CNTN4: variants seen among roughly 807,000 people sequenced by gnomAD.
The protein encoded by CNTN4 is contactin-4.
In CNTN4, 77 loss-of-function variants were observed where a neutral mutation model predicts 122.5. That is an observed-to-expected ratio of 0.63 (90% CI 0.52 to 0.76). The LOEUF (loss-of-function observed/expected upper bound fraction) is 0.76. Among genes scored for constraint, CNTN4 ranks in the 30% least tolerant of loss-of-function variants. The probability of loss-of-function intolerance (pLI) is 0.00; values close to 1 mark genes in which losing one functional copy is unlikely to be tolerated. For missense variants in CNTN4, 1,256 were observed against 1,259.1 expected, an observed-to-expected ratio of 1.00 and a Z score of 0.04; for synonymous variants, 512 against 447.0, an observed-to-expected ratio of 1.15 and a Z score of -1.83.
intron 3 of CNTN4, among the ~76,000 whole-genome samples, chr3:2,427,581 A>G (rs538820819): frequency 1.3e-5 from 2 of 152,302 alleles, no homozygotes; most frequent in East Asian, 1.9e-4. Flanking sequence ...GTAGATGTCT[A>G]TTAGGTCCGC....
chr3:2,457,029 A>G (rs2049031122), intron 3 of CNTN4, among the ~76,000 whole-genome samples: 1 of 152,050 alleles, frequency 6.6e-6, no homozygotes. Flanking sequence ...AGGTTAAAGT[A>G]CCTCATATTG....
At chr3:2,812,254 A>G (rs977700437) in intron 6 of CNTN4, among the ~76,000 whole-genome samples, 1 of 152,196 alleles carries the variant, frequency 6.6e-6, no homozygotes, top group African/African-American at 2.4e-5. Flanking sequence ...AAACCTGCAC[A>G]TGTACCCCTA....
intron 13 of CNTN4, among the ~76,000 whole-genome samples, chr3:2,949,319 T>C (rs560357660): frequency 1.6e-4 from 24 of 152,326 alleles, no homozygotes; most frequent in South Asian, 6.2e-4. Context: ...GTTAGCTGAA[T>C]TCCTACTGGA....
intron 3 of CNTN4, among the ~76,000 whole-genome samples, chr3:2,377,183 C>T (rs538066668): frequency 6.6e-6 from 1 of 150,820 alleles, no homozygotes; most frequent in African/African-American, 2.4e-5. Context: ...AAGAAAATGA[C>T]AGAGCTCTTT....
At chr3:2,857,782 A>G (rs2093631931) in intron 7 of CNTN4, among the ~76,000 whole-genome samples, 1 of 152,096 alleles carries the variant, frequency 6.6e-6, no homozygotes, top group South Asian at 2.1e-4. Context: ...ATGTGGTCTT[A>G]TTATGTTGCC....
chr3:2,955,815 T>C (rs557058243), intron 13 of CNTN4, among the ~76,000 whole-genome samples: 1 of 152,304 alleles, frequency 6.6e-6, no homozygotes, highest in African/African-American at 2.4e-5. Flanking sequence ...GTGACAGATA[T>C]TGTGAAGAAA....
At chr3:2,316,574 G>A (rs974043349) in intron 2 of CNTN4, among the ~76,000 whole-genome samples, 2 of 152,130 alleles carry the variant, frequency 1.3e-5, no homozygotes, top group African/African-American at 4.8e-5. Context: ...GTCTGTTGAT[G>A]TTTTTATCCC....
At chr3:2,484,068 A>T (rs1330281779) in intron 3 of CNTN4, among the ~76,000 whole-genome samples, 1 of 152,252 alleles carries the variant, frequency 6.6e-6, no homozygotes, top group African/African-American at 2.4e-5. Flanking sequence ...CTGATAAAGG[A>T]CTGTTAGCAA....
intron 2 of CNTN4, among the ~76,000 whole-genome samples, chr3:2,163,085 A>G (rs565758494): frequency 1.3e-5 from 2 of 152,348 alleles, no homozygotes; most frequent in South Asian, 4.1e-4. Flanking sequence ...CAGCAAAACA[A>G]GACCCTGTCT....
rs1348579375 is a variant in CNTN4 at position 2,237,120 on chromosome 3, C to A, written c.-144-102058C>A. On this transcript the variant is annotated intron_variant, in intron 2 of 24. Coordinates refer to ENST00000418658, the MANE Select transcript of CNTN4 (RefSeq NM_175607.3). ...GAGTAATGGGAAGACAGTGAAGCAT[C>A]TTAAGAGGGTTGAGGTAAGAGGGAC... Among the ~76,000 whole-genome samples, 4 of 151,966 alleles carry A rather than the reference C, an allele frequency of 2.6e-5. No homozygotes were observed. In the East Asian group the frequency reaches 7.7e-4, roughly 29 times the overall value.
intron 3 of CNTN4, among the ~76,000 whole-genome samples, chr3:2,492,397 G>A (rs549374794): frequency 1.3e-5 from 2 of 152,254 alleles, no homozygotes; most frequent in South Asian, 2.1e-4. Flanking sequence ...GTAATCTAAA[G>A]ACATTGGAAC....
At chr3:2,390,296 AT>A (rs2150874690) in intron 3 of CNTN4, among the ~76,000 whole-genome samples, 1 of 151,366 alleles carries the variant, frequency 6.6e-6, no homozygotes, top group East Asian at 1.9e-4. Flanking sequence ...AAAATGTTAA[AT>A]TTTGATAATC....
At chr3:2,519,856 C>T (rs888756742) in intron 3 of CNTN4, among the ~76,000 whole-genome samples, 9 of 152,056 alleles carry the variant, frequency 5.9e-5, no homozygotes, top group Admixed American at 1.3e-4. Flanking sequence ...TCATTGGTTG[C>T]GGGAAAAATA....
At chr3:2,522,139 C>T (rs1416802759) in intron 3 of CNTN4, among the ~76,000 whole-genome samples, 1 of 139,360 alleles carries the variant, frequency 7.2e-6, no homozygotes, top group Non-Finnish European at 1.5e-5. Flanking sequence ...ATGTGGCCTG[C>T]CTAAGCAGTT....
chr3:2,426,034 CTT>C (rs2151152427), intron 3 of CNTN4, among the ~76,000 whole-genome samples: 1 of 152,286 alleles, frequency 6.6e-6, no homozygotes, highest in East Asian at 1.9e-4. Flanking sequence ...TTGACTTCCT[CTT>C]TTCCTAATTG....
At chr3:2,796,414 TAAAA>T (rs2092182566) in intron 6 of CNTN4, among the ~76,000 whole-genome samples, 1 of 152,148 alleles carries the variant, frequency 6.6e-6, no homozygotes, top group Admixed American at 6.6e-5. Flanking sequence ...TACCCTAATC[TAAAA>T]ATATCACTTG....
chr3:2,879,878 A>T (rs2093887338), intron 8 of CNTN4, among the ~76,000 whole-genome samples: 1 of 152,214 alleles, frequency 6.6e-6, no homozygotes, highest in African/African-American at 2.4e-5. Context: ...TTTTTAAAAA[A>T]AATTATCAAT....
At chr3:2,526,698 A>G (rs987875956) in intron 3 of CNTN4, among the ~76,000 whole-genome samples, 1 of 152,164 alleles carries the variant, frequency 6.6e-6, no homozygotes, top group African/African-American at 2.4e-5. Flanking sequence ...TTCATGAAAT[A>G]TACCACTAAT....
chr3:2,797,938 G>A (rs1306830621), intron 6 of CNTN4, among the ~76,000 whole-genome samples: 2 of 66,018 alleles, frequency 3.0e-5, no homozygotes, highest in Admixed American at 1.5e-4. Flanking sequence ...TTTTTTTTTG[G>A]TATAAATTTA....
Sources: gnomAD v4.1 joint callset for allele counts (sites outside exome capture counted in the v4.1 genomes callset) on GRCh38, gnomAD v4.1.1 for gene constraint, MANE v1.5 for transcripts, NCBI Gene and HGNC (gene_info 2026-07-23, HGNC 2026-07-21) for gene names.